The following CDK12 variants were observed in gnomAD, a reference collection of about 807,000 sequenced individuals.
CDK12 encodes cyclin-dependent kinase 12.
A neutral mutation model predicts 133.8 loss-of-function variants in CDK12; 17 were observed. That is an observed-to-expected ratio of 0.13 (90% CI 0.09 to 0.19). The LOEUF (loss-of-function observed/expected upper bound fraction) is 0.19, where lower values mean the gene tolerates loss of function less well. Ranked by LOEUF, CDK12 falls within the 10% of genes least tolerant of loss-of-function variation. CDK12 has a pLI of 1.00. For synonymous variants in CDK12, 694 were observed against 683.6 expected (o/e 1.02, Z -0.24); for missense variants, 1,508 against 1,818.7 (o/e 0.83, Z 3.11).
intron 2 of CDK12, 39 bp downstream of exon 2, chr17:39,471,802 T>A: frequency 6.6e-7 from 1 of 1,518,200 alleles, no homozygotes. Context: ...CCCCTTGATC[T>A]AAACATAAAG....
Position 39,462,802 on chromosome 17 carries a change from A to G in CDK12, c.731A>G (p.Gln244Arg). Residue 244 changes from glutamine to arginine, a missense_variant, in exon 1 of 14, where the codon CAA becomes CGA. By Grantham distance (43) the Gln-to-Arg change is conservative. This residue lies in a region of CDK12 where 460 missense variants were observed against 490.8 expected (regional missense o/e 0.94). Transcript: ENST00000447079. ...AGCCCCTCGGGAGCTTCTTATGGCC[A>G]AGATTATGACCTTAGTCCCTCACGA... ...DDSPSGASYG[Q>R]DYDLSPSRSH... The G allele has an allele frequency of 6.2e-7, 1 of 1,614,192 alleles. No homozygotes were observed. The highest frequency in any genetic ancestry group is 8.5e-7 in the Non-Finnish European group (1 of 1,180,038).
rs2050617952 is a variant in CDK12 at position 39,481,235 on chromosome 17, A to G, written c.1932-9322A>G. On this transcript the variant is annotated intron_variant, in intron 2 of 13. Coordinates refer to ENST00000447079, the MANE Select transcript of CDK12 (RefSeq NM_016507.4). Reference sequence around the variant, plus strand: ...GCCATTGCACTCCAGCCTGGGCAACAAGAGCGAAACTCCGTCTCAAAAAAA... The same window carrying G: ...GCCATTGCACTCCAGCCTGGGCAACGAGAGCGAAACTCCGTCTCAAAAAAA... Among the ~76,000 whole-genome samples, 8 of 149,970 alleles carry G rather than the reference A, an allele frequency of 5.3e-5. 1 individual carries two copies. The Admixed American group carries it at 5.4e-4, about 10-fold the overall frequency.
intron 3 of CDK12, 76 bp downstream of exon 3, chr17:39,490,809 T>C: frequency 1.8e-6 from 2 of 1,104,100 alleles, no homozygotes; most frequent in Non-Finnish European, 2.6e-6. Context: ...ATGTTTCTTC[T>C]ATAACCCACA....
chr17:39,495,602 T>G (rs1182338310), intron 5 of CDK12, among the ~76,000 whole-genome samples: 1 of 151,458 alleles, frequency 6.6e-6, no homozygotes, highest in Non-Finnish European at 1.5e-5. Flanking sequence ...CCATCCTGGC[T>G]AACACGGCAA....
intron 2 of CDK12, among the ~76,000 whole-genome samples, chr17:39,487,167 C>T (rs1359967902): frequency 1.3e-5 from 2 of 152,190 alleles, no homozygotes; most frequent in African/African-American, 4.8e-5. Flanking sequence ...ATCTACTCCA[C>T]TGACTATCCC....
intron 3 of CDK12, 143 bp downstream of exon 3, chr17:39,490,876 C>CA: frequency 1.8e-6 from 1 of 553,578 alleles, no homozygotes; most frequent in Non-Finnish European, 2.9e-6. Context: ...TTTTAATGGA[C>CA]AAAAGCCTTT....
In CDK12 at chr17:39,526,223, C is replaced by T. The variant is rs2146722071; in HGVS notation, c.3667C>T (p.Pro1223Ser). ...GAGTCAGCTGATGAAAACCCAAGAG[C>T]CAGCAGGCAGTCTGGAGGAAAACAA... ...LLSQLMKTQE[P>S]AGSLEENNSD... is the part of the protein sequence containing the mutation. The change falls in exon 13 of 14, where the codon CCA becomes TCA. Residue 1223 changes from proline (P) to serine (S), a missense_variant. Pro to Ser is a moderately conservative substitution (Grantham distance 74, BLOSUM62 -1). Coordinates refer to ENST00000447079, the MANE Select transcript of CDK12 (RefSeq NM_016507.4). 6.2e-7 allele frequency: 1 copy of T among 1,613,552 alleles called. No individual in the cohort carries two copies. The highest frequency in any genetic ancestry group is 8.5e-7 in the Non-Finnish European group (1 of 1,179,770).
In CDK12 at chr17:39,462,240, A is replaced by G. The variant is rs2049009572; in HGVS notation, c.169A>G (p.Thr57Ala). The G allele has an allele frequency of 3.1e-6, 5 of 1,613,894 alleles. No individual in the cohort carries two copies. Among genetic ancestry groups the G allele is most frequent in the Non-Finnish European group, 4.2e-6 (5 of 1,180,018 alleles). Reference protein sequence around the residue: ...SKHSKDMGLVTPEAASLGTVI... With the variant: ...SKHSKDMGLVAPEAASLGTVI... ...ACACTCCAAAGACATGGGGTTGGTG[A>G]CCCCCGAAGCAGCATCCCTGGGCAC... is the stretch of plus-strand genomic sequence containing the variant. The change falls in exon 1 of 14, where the codon ACC becomes GCC. Residue 57 changes from threonine to alanine, a missense_variant. By Grantham distance (58) the Thr-to-Ala change is moderately conservative (BLOSUM62 0). Coordinates refer to ENST00000447079, the MANE Select transcript of CDK12 (RefSeq NM_016507.4).
intron 2 of CDK12, among the ~76,000 whole-genome samples, chr17:39,475,747 A>G (rs952449547): frequency 6.6e-6 from 1 of 151,796 alleles, no homozygotes; most frequent in Non-Finnish European, 1.5e-5. Flanking sequence ...GGGTTTCACC[A>G]TGTTGGCCAG....
intron 2 of CDK12, among the ~76,000 whole-genome samples, chr17:39,553,822 AAC>A (rs1371953751): frequency 6.6e-6 from 1 of 152,074 alleles, no homozygotes; most frequent in Non-Finnish European, 1.5e-5. Flanking sequence ...TCACAAAAAC[AAC>A]AGAGGGGAAG....
At chr17:39,510,114 CTTTTTTT>C (rs762953806) in intron 7 of CDK12, among the ~76,000 whole-genome samples, 13 of 125,470 alleles carry the variant, frequency 1.0e-4, no homozygotes, top group Non-Finnish European at 1.6e-4. Context: ...CAATCTCTCT[CTTTTTTT>C]TTTTTTTTTT....
intron 3 of CDK12, among the ~76,000 whole-genome samples, chr17:39,563,587 G>A (rs1372482804): frequency 6.6e-6 from 1 of 151,210 alleles, no homozygotes; most frequent in East Asian, 2.0e-4. Context: ...CGGCATCAGC[G>A]CCGAATTGCC....
At position 39,461,536 on chromosome 17, in the gene CDK12, A is replaced by G. The variant is rs373968044; in HGVS notation, c.-536A>G. ...GTGTGACTGGGTCTGTGTGAGGGAGAGAGTGTGTGTGGTGTGGAGGTGAAA... is the reference window on the plus strand; with the variant it reads ...GTGTGACTGGGTCTGTGTGAGGGAGGGAGTGTGTGTGGTGTGGAGGTGAAA... On this transcript the variant is annotated 5_prime_UTR_variant, in exon 1 of 14. Coordinates refer to ENST00000447079, the MANE Select transcript of CDK12 (RefSeq NM_016507.4). 8.3e-6 allele frequency: 2 copies of G among 241,208 alleles called. No homozygotes were observed. Among genetic ancestry groups the G allele is most frequent in the South Asian group, 1.3e-4 (1 of 7,408 alleles). The allele number at this position is 241,208 out of a possible 1,614,324, so 14.9% of individuals were successfully genotyped here.
chr17:39,475,263 A>G (rs906621276), intron 2 of CDK12, among the ~76,000 whole-genome samples: 1 of 151,984 alleles, frequency 6.6e-6, no homozygotes, highest in Non-Finnish European at 1.5e-5. Context: ...TAAGGCCAGG[A>G]GTTCAAAACC....
At chr17:39,524,633 C>T (rs771415285) in intron 11 of CDK12, 41 bp from the exon 12 acceptor site, 2 of 1,518,802 alleles carry the variant, frequency 1.3e-6, no homozygotes, top group East Asian at 4.5e-5. Flanking sequence ...TTCACTGCTG[C>T]ATTCCCTTAC....
chr17:39,517,393 A>T (rs1311336554), intron 9 of CDK12, 47 bp from the exon 10 acceptor site: 1 of 1,046,388 alleles, frequency 9.6e-7, no homozygotes, highest in African/African-American at 1.6e-5. Flanking sequence ...GGAATTCATG[A>T]TGTTGACTCA....
At chr17:39,552,363 G>A (rs928811649) in intron 2 of CDK12, among the ~76,000 whole-genome samples, 2 of 152,342 alleles carry the variant, frequency 1.3e-5, no homozygotes, top group Non-Finnish European at 1.5e-5. Flanking sequence ...GGCAGAGGGC[G>A]AAGTTTGGGA....
upstream of CDK12, among the ~76,000 whole-genome samples, chr17:39,545,243 C>T (rs938816424): frequency 4.6e-5 from 7 of 152,206 alleles, no homozygotes; most frequent in Non-Finnish European, 8.8e-5. Flanking sequence ...TCCTGTTGCC[C>T]AGGCTGTAGT....
At chr17:39,528,576 C>A (rs1449217159) in intron 13 of CDK12, among the ~76,000 whole-genome samples, 1 of 152,198 alleles carries the variant, frequency 6.6e-6, no homozygotes, top group Non-Finnish European at 1.5e-5. Context: ...CTCAAGTGAT[C>A]TGCCTTCCTT....
Sources: allele counts gnomAD v4.1 joint callset (sites outside exome capture counted in the v4.1 genomes callset), GRCh38; gene constraint gnomAD v4.1.1; regional missense constraint gnomAD v4.1.1; transcripts MANE v1.5; gene names NCBI Gene and HGNC (gene_info 2026-07-23, HGNC 2026-07-21).